Variants in KATNIP observed in about 807,000 individuals in gnomAD.
KATNIP encodes the protein katanin interacting protein, also known as katanin-interacting protein.
Under a neutral mutation model 174.0 loss-of-function variants are expected in KATNIP, and 126 were observed. The ratio of observed to expected loss-of-function variants is 0.72; its 90% CI spans 0.63 to 0.84. The LOEUF is 0.84. Ranked by LOEUF, KATNIP falls within the 40% of genes least tolerant of loss-of-function variation. KATNIP has a pLI of 0.00. For synonymous variants in KATNIP, 810 were observed against 835.7 expected (o/e 0.97, Z 0.53); for missense variants, 1,958 against 2,109.7 (o/e 0.93, Z 1.41).
At chr16:27,594,791 A>G (rs1261931695) in intron 2 of KATNIP, among the ~76,000 whole-genome samples, 1 of 152,142 alleles carries the variant, frequency 6.6e-6, no homozygotes, top group East Asian at 1.9e-4. Flanking sequence ...TTCTCATTGG[A>G]TGACTCTCTA....
At chr16:27,770,305 A>G (rs2082255137) in intron 21 of KATNIP, among the ~76,000 whole-genome samples, 1 of 152,200 alleles carries the variant, frequency 6.6e-6, no homozygotes, top group Admixed American at 6.5e-5. Flanking sequence ...CCTCCATTCC[A>G]GAAATGCCTG....
intron 5 of KATNIP, among the ~76,000 whole-genome samples, chr16:27,642,902 C>T (rs1182348736): frequency 2.0e-5 from 3 of 152,046 alleles, no homozygotes; most frequent in Non-Finnish European, 4.4e-5. Context: ...GCCACCACAC[C>T]CAGCCCAGGT....
chr16:27,775,281 T>C (rs2082456578), intron 24 of KATNIP, among the ~76,000 whole-genome samples, 197 bp downstream of exon 24: 1 of 152,206 alleles, frequency 6.6e-6, no homozygotes, highest in African/African-American at 2.4e-5. Flanking sequence ...CAGTTCTTTC[T>C]CTTTTATAAG....
chr16:27,666,466 G>A (rs774392053), intron 6 of KATNIP, among the ~76,000 whole-genome samples: 2 of 152,086 alleles, frequency 1.3e-5, no homozygotes, highest in Non-Finnish European at 2.9e-5. Flanking sequence ...CACCCAGGCT[G>A]AAGTATAGTG....
chr16:27,758,298 AC>A (rs753918037), intron 18 of KATNIP, among the ~76,000 whole-genome samples: 3 of 151,994 alleles, frequency 2.0e-5, no homozygotes, highest in Non-Finnish European at 4.4e-5. Flanking sequence ...CTAGGTCAAA[AC>A]TTTTTTTCCC....
intron 5 of KATNIP, among the ~76,000 whole-genome samples, chr16:27,635,816 C>T (rs2076617611): frequency 6.6e-6 from 1 of 152,208 alleles, no homozygotes; most frequent in Non-Finnish European, 1.5e-5. Context: ...TTTTAAAAGA[C>T]TTTTCGAAGC....
chr16:27,720,248 G>C (rs1249519498), intron 13 of KATNIP, among the ~76,000 whole-genome samples: 1 of 151,696 alleles, frequency 6.6e-6, no homozygotes, highest in Non-Finnish European at 1.5e-5. Context: ...GCACCACCAC[G>C]CCCAGCTAAT....
At chr16:27,586,473 TA>T (rs1156229985) in intron 2 of KATNIP, among the ~76,000 whole-genome samples, 9 of 149,316 alleles carry the variant, frequency 6.0e-5, no homozygotes, top group Middle Eastern at 3.4e-3. Context: ...TAATTACCAA[TA>T]AAAAAAAGAA....
chr16:27,605,106 T>A (rs900296257), intron 2 of KATNIP, among the ~76,000 whole-genome samples: 2 of 151,872 alleles, frequency 1.3e-5, no homozygotes, highest in African/African-American at 4.8e-5. Context: ...TTTTTTATAT[T>A]TTTTTTAGTG....
At chr16:27,663,267 G>A (rs1453290438) in intron 6 of KATNIP, among the ~76,000 whole-genome samples, 1 of 145,824 alleles carries the variant, frequency 6.9e-6, no homozygotes, top group African/African-American at 2.5e-5. Flanking sequence ...AAAGTGCTAG[G>A]ATTACAGGTG....
At chr16:27,585,578 C>T (rs985531980) in intron 2 of KATNIP, among the ~76,000 whole-genome samples, 7 of 152,150 alleles carry the variant, frequency 4.6e-5, no homozygotes, top group African/African-American at 1.7e-4. Context: ...CAATGGAGTC[C>T]TGTGCAGCCA....
At chr16:27,706,459 G>A (rs1337333224) in intron 12 of KATNIP, among the ~76,000 whole-genome samples, 5 of 152,154 alleles carry the variant, frequency 3.3e-5, no homozygotes, top group South Asian at 2.1e-4. Flanking sequence ...AAGAGACGCC[G>A]TGGCTTTCCC....
At chr16:27,744,712 G>A (rs926242805) in intron 15 of KATNIP, among the ~76,000 whole-genome samples, 16 of 151,814 alleles carry the variant, frequency 1.1e-4, no homozygotes, top group African/African-American at 1.9e-4. Context: ...GCAAAACACC[G>A]TCTCTACTAA....
At chr16:27,741,814 A>T (rs1225993943) in intron 15 of KATNIP, among the ~76,000 whole-genome samples, 1 of 152,082 alleles carries the variant, frequency 6.6e-6, no homozygotes, top group Non-Finnish European at 1.5e-5. Flanking sequence ...AGGCAGGAGG[A>T]TCACTTGAAC....
intron 13 of KATNIP, among the ~76,000 whole-genome samples, chr16:27,713,753 A>G (rs1221150547): frequency 1.3e-4 from 19 of 141,584 alleles, no homozygotes; most frequent in African/African-American, 1.5e-4. Context: ...TATTATATAT[A>G]TGTGTGTGTA....
intron 8 of KATNIP, among the ~76,000 whole-genome samples, chr16:27,693,491 C>T (rs1056889460): frequency 5.3e-5 from 8 of 152,222 alleles, no homozygotes; most frequent in Admixed American, 3.3e-4. Flanking sequence ...CGGGTTCAAG[C>T]GATTCTCCTG....
chr16:27,575,868 G>A (rs1211457324), intron 2 of KATNIP, among the ~76,000 whole-genome samples: 1 of 152,206 alleles, frequency 6.6e-6, no homozygotes, highest in Non-Finnish European at 1.5e-5. Context: ...CAGTCTAGGG[G>A]CAAAGCCAGG....
intron 17 of KATNIP, among the ~76,000 whole-genome samples, chr16:27,752,131 G>T (rs374812541): frequency 6.6e-6 from 1 of 150,810 alleles, no homozygotes. Flanking sequence ...TTTTTTAACC[G>T]AAGTAAAGAA....
intron 2 of KATNIP, 61 bp from the exon 3 acceptor site, chr16:27,618,364 G>A: frequency 2.3e-6 from 3 of 1,311,760 alleles, no homozygotes; most frequent in Non-Finnish European, 2.2e-6. Flanking sequence ...TGCTGCACCT[G>A]CACTCTCAGT....
Sources: allele counts gnomAD v4.1 joint callset (sites outside exome capture counted in the v4.1 genomes callset), GRCh38; gene constraint gnomAD v4.1.1; transcripts MANE v1.5; gene names NCBI Gene and HGNC (gene_info 2026-07-23, HGNC 2026-07-21).